Variants in TSC2 observed in about 807,000 individuals in gnomAD.
The protein encoded by TSC2 is tuberin.
A neutral mutation model predicts 202.2 loss-of-function variants in TSC2; 29 were observed. The ratio of observed to expected loss-of-function variants is 0.14; its 90% CI spans 0.11 to 0.20. The LOEUF (loss-of-function observed/expected upper bound fraction) is 0.20, where lower values mean the gene tolerates loss of function less well. TSC2 is among the 10% of genes least tolerant of loss of function. TSC2 has a pLI of 1.00. For synonymous variants in TSC2, 1,349 were observed against 1,044.0 expected (o/e 1.29, Z -5.63); for missense variants, 2,429 against 2,420.0 (o/e 1.00, Z -0.08).
chr16:2,060,687 C>T lies in TSC2; in HGVS notation c.993C>T (p.Asn331=), dbSNP rs45517153. The T allele has an allele frequency of 1.4e-5, 23 of 1,614,072 alleles. No homozygotes were observed. The East Asian group carries it at 1.8e-4, about 13-fold the overall frequency. ...TGTTCCAGGCCATGGCATGTCCGAA[C>T]GAGGTGGTGTCCTATGAGATCGTCC... ...PSFYQAMACP[N]EVVSYEIVLS... is the part of the protein sequence containing the mutation. Residue 331 remains asparagine, a synonymous_variant, in exon 11 of 42, where the codon AAC becomes AAT. Coordinates refer to ENST00000219476, the MANE Select transcript of TSC2 (RefSeq NM_000548.5).
chr16:2,086,460 G>A, intron 37 of TSC2, 81 bp downstream of exon 37: 1 of 1,548,802 alleles, frequency 6.5e-7, no homozygotes, highest in Admixed American at 1.9e-5. Flanking sequence ...CCCACGCCCT[G>A]GGGCATGGCC....
intron 36 of TSC2, 70 bp from the exon 37 acceptor site, chr16:2,086,123 A>ACCCCCC: frequency 6.3e-7 from 1 of 1,582,144 alleles, no homozygotes; most frequent in Non-Finnish European, 8.6e-7. Flanking sequence ...CCTGCTGGGC[A>ACCCCCC]CCCCCACCCT....
intron 20 of TSC2, 31 bp downstream of exon 20, chr16:2,072,394 G>A (rs879237411): frequency 1.2e-6 from 2 of 1,612,852 alleles, no homozygotes; most frequent in South Asian, 1.1e-5. Context: ...TTGGGGTGGG[G>A]GACCCAGTAG....
chr16:2,070,560 G>C lies in TSC2; in HGVS notation c.1821G>C (p.Ala607=), dbSNP rs149543046. The C allele has an allele frequency of 6.2e-7, 1 of 1,613,150 alleles. No individual in the cohort carries two copies. Among genetic ancestry groups the C allele is most frequent in the South Asian group, 1.1e-5 (1 of 91,084 alleles). The change falls in exon 17 of 42, where the codon GCG becomes GCC. Residue 607 remains alanine, a synonymous_variant. Coordinates refer to ENST00000219476, the MANE Select transcript of TSC2 (RefSeq NM_000548.5). The part of the protein sequence containing the change: ...HYKHSYTLPI[A]SSIRLQAFDF... ...AGCACAGCTACACCCTGCCAATCGCGAGCAGCATCCGGCTGCAGGTATGGT... is the reference window on the plus strand; with the variant it reads ...AGCACAGCTACACCCTGCCAATCGCCAGCAGCATCCGGCTGCAGGTATGGT...
rs1008733639 is a variant in TSC2 at position 2,082,488 on chromosome 16, G to T, written c.3867G>T (p.Arg1289Ser). 2 of 1,611,996 alleles carry T rather than the reference G, an allele frequency of 1.2e-6. No homozygotes were observed. Among genetic ancestry groups the T allele is most frequent in the African/African-American group, 1.3e-5 (1 of 74,946 alleles). ...YQSSCQGQLHRSVSWADSAVV... is the reference protein window; with the variant it reads ...YQSSCQGQLHSSVSWADSAVV... Reference sequence around the variant, plus strand: ...CCAGCTGCCAAGGACAGCTGCACAGGAGCGTTTCCTGGGCAGGTATCGCCT... The same window carrying T: ...CCAGCTGCCAAGGACAGCTGCACAGTAGCGTTTCCTGGGCAGGTATCGCCT... The change falls in exon 32 of 42, where the codon AGG becomes AGT. Residue 1289 changes from arginine (R) to serine (S), a missense_variant. By Grantham distance (110) the Arg-to-Ser change is moderately radical. Coordinates refer to ENST00000219476, the MANE Select transcript of TSC2 (RefSeq NM_000548.5).
intron 10 of TSC2, 86 bp downstream of exon 10, chr16:2,058,959 T>C (rs947990293): frequency 1.3e-6 from 2 of 1,549,472 alleles, no homozygotes; most frequent in Non-Finnish European, 1.7e-6. Flanking sequence ...GGGGTCCTGC[T>C]GCGGGGGCTG....
intron 5 of TSC2, chr16:2,054,900 C>T (rs889282573): frequency 6.1e-5 from 20 of 327,068 alleles, no homozygotes; most frequent in South Asian, 5.2e-4. Context: ...AGGAAGAGAT[C>T]GGTCTGACTC....
At chr16:2,054,591 G>A (rs1045516068) in intron 5 of TSC2, 151 bp downstream of exon 5, 9 of 1,211,000 alleles carry the variant, frequency 7.4e-6, no homozygotes, top group Non-Finnish European at 1.1e-5. Flanking sequence ...GGGCTCACCT[G>A]CGTGGCCGGA....
At chr16:2,052,746 T>C (rs1293613990) in intron 3 of TSC2, among the ~76,000 whole-genome samples, 1 of 152,170 alleles carries the variant, frequency 6.6e-6, no homozygotes, top group Non-Finnish European at 1.5e-5. Context: ...CGAGTGAGAC[T>C]GATTCTGGCA....
chr16:2,071,846 C>T lies in TSC2; in HGVS notation c.2009C>T (p.Pro670Leu), dbSNP rs397515288. The T allele has an allele frequency of 1.1e-4, 177 of 1,580,442 alleles. No individual in the cohort carries two copies. Among genetic ancestry groups the T allele is most frequent in the Non-Finnish European group, 1.4e-4 (164 of 1,164,312 alleles). The change falls in exon 19 of 42, where the codon CCT becomes CTT. Residue 670 changes from proline (P) to leucine (L), a missense_variant. By Grantham distance (98) the Pro-to-Leu change is moderately conservative. Coordinates refer to ENST00000219476, the MANE Select transcript of TSC2 (RefSeq NM_000548.5). ...CCCCTTTCTCCTCCCACAGGGCCTC[C>T]TGGCCCGGCGCCTGCAGGCCCCGCC... ...SGPLSPPTGPPGPAPAGPAVR... is the reference protein window; with the variant it reads ...SGPLSPPTGPLGPAPAGPAVR...
At chr16:2,051,046 G>C (rs1259224394) in intron 3 of TSC2, among the ~76,000 whole-genome samples, 1 of 152,024 alleles carries the variant, frequency 6.6e-6, no homozygotes, top group South Asian at 2.1e-4. Context: ...TATGCCGAGC[G>C]GGGGTGCGGG....
rs547567893 is a variant in TSC2 at position 2,051,786 on chromosome 16, C to T, written c.225+1300C>T. On this transcript the variant is annotated intron_variant, in intron 3 of 41. Coordinates refer to ENST00000219476, the MANE Select transcript of TSC2 (RefSeq NM_000548.5). ...GGTGTAAAGAACAGGTGTCCTTAGC[C>T]GGGCGCAGTGGTTCACGCCTGTAAT... Among the ~76,000 whole-genome samples, 8 of 152,308 alleles carry T rather than the reference C, an allele frequency of 5.3e-5. No individual in the cohort carries two copies. The South Asian group carries it at 6.2e-4, about 12-fold the overall frequency.
In TSC2 at chr16:2,087,865, C is replaced by T. The variant is rs145002269; in HGVS notation, c.4992C>T (p.Gly1664=). ...GACCCTTTCTCTTGTCCGGGCAGGG[C>T]CAGTTCAACTTTGTCCACGTGATCG... ...GEDFKLGTIK[G]QFNFVHVIVT... Residue 1664 remains glycine (G), a splice_region_variant and synonymous_variant, in exon 39 of 42, where the codon GGC becomes GGT. Transcript: ENST00000219476. The T allele has an allele frequency of 1.2e-6, 2 of 1,612,574 alleles. No individual in the cohort carries two copies. Among genetic ancestry groups the T allele is most frequent in the Non-Finnish European group, 1.7e-6 (2 of 1,179,942 alleles).
Position 2,048,029 on chromosome 16 carries a change from C to T in TSC2, c.-66C>T, listed in dbSNP as rs1007956823. The T allele has an allele frequency of 5.6e-5, 80 of 1,440,992 alleles. No homozygotes were observed. In the African/African-American group the frequency reaches 1.0e-3, roughly 19 times the overall value. The allele number at this position is 1,440,992 out of a possible 1,614,324, so 89.3% of individuals were successfully genotyped here. A position where few individuals can be genotyped will look rare whatever the true frequency, so the allele number is the denominator to read the frequency against. On this transcript the variant is annotated 5_prime_UTR_variant, in exon 1 of 42. Transcript: ENST00000219476. The stretch of plus-strand genomic sequence containing the variant: ...GGCCAGGGGGGTGCGCCTTTCTCCG[C>T]GTCGGGGCGGCCCGGAGCGCGGTGG...
intron 2 of TSC2, among the ~76,000 whole-genome samples, chr16:2,049,773 G>A (rs1032478372): frequency 2.0e-5 from 3 of 151,758 alleles, no homozygotes; most frequent in Admixed American, 6.6e-5. Context: ...TCAGTGAGCC[G>A]TGATCGCGCC....
Position 2,072,966 on chromosome 16 carries a change from C to G in TSC2, c.2338C>G (p.Leu780Val). 6.2e-7 allele frequency: 1 copy of G among 1,613,560 alleles called. No homozygotes were observed. Among genetic ancestry groups the G allele is most frequent in the Non-Finnish European group, 8.5e-7 (1 of 1,180,036 alleles). ...LTALISYHNY[L>V]DKTKQREMVY... is the part of the protein sequence containing the mutation. ...AGCATTAATCTCTTACCATAACTAC[C>G]TGGACAAAACCAAACAGGTAGGAGG... The change falls in exon 21 of 42, where the codon CTG (leucine) becomes GTG (valine). Residue 780 changes from leucine (L) to valine (V), a missense_variant. Coordinates refer to ENST00000219476, the MANE Select transcript of TSC2 (RefSeq NM_000548.5).
At chr16:2,086,047 C>T in intron 36 of TSC2, 146 bp from the exon 37 acceptor site, 1 of 925,928 alleles carries the variant, frequency 1.1e-6, no homozygotes, top group Non-Finnish European at 1.7e-6. Flanking sequence ...CGATGTCTGG[C>T]CTGGGTGGCT....
chr16:2,088,468 C>G lies in TSC2; in HGVS notation c.5282C>G (p.Ser1761Cys). 1 of 1,612,906 alleles carries G rather than the reference C, an allele frequency of 6.2e-7. No homozygotes were observed. The highest frequency in any genetic ancestry group is 1.3e-5 in the African/African-American group (1 of 75,058). ...CAGATCTGCGAGGAAGCCGCCTACT[C>G]CAACCCCAGCCTACCTCTGGTGCAC... Reference protein sequence around the residue: ...RQRICEEAAYSNPSLPLVHPP... With the variant: ...RQRICEEAAYCNPSLPLVHPP... Residue 1761 changes from serine to cysteine, a missense_variant, in exon 42 of 42, where the codon TCC becomes TGC. Physicochemically the swap from Ser to Cys is moderately radical, Grantham distance 112. Coordinates refer to ENST00000219476, the MANE Select transcript of TSC2 (RefSeq NM_000548.5).
In TSC2 at chr16:2,072,942, G is replaced by A. The variant is rs2151328146; in HGVS notation, c.2314G>A (p.Ala772Thr). Reference protein sequence around the residue: ...LHLAVVPVLTALISYHNYLDK... With the variant: ...LHLAVVPVLTTLISYHNYLDK... ...CCTGGCCGTGGTTCCAGTGCTGACA[G>A]CATTAATCTCTTACCATAACTACCT... is the stretch of plus-strand genomic sequence containing the variant. Residue 772 changes from alanine to threonine, a missense_variant, in exon 21 of 42, where the codon GCA (alanine) becomes ACA (threonine). Physicochemically the swap from Ala to Thr is moderately conservative, Grantham distance 58 (BLOSUM62 0). Coordinates refer to ENST00000219476, the MANE Select transcript of TSC2 (RefSeq NM_000548.5). 2 of 1,613,622 alleles carry A rather than the reference G, an allele frequency of 1.2e-6. No homozygotes were observed. Among genetic ancestry groups the A allele is most frequent in the Non-Finnish European group, 1.7e-6 (2 of 1,180,046 alleles).
Sources: allele counts gnomAD v4.1 joint callset (sites outside exome capture counted in the v4.1 genomes callset), GRCh38; gene constraint gnomAD v4.1.1; transcripts MANE v1.5; gene names NCBI Gene and HGNC (gene_info 2026-07-23, HGNC 2026-07-21).